The following CSMD1 variants were observed in gnomAD, a reference collection of about 807,000 sequenced individuals.
CSMD1 encodes the protein CUB and sushi domain-containing protein 1.
In CSMD1, 213 loss-of-function variants were observed where a neutral mutation model predicts 417.5. The observed-to-expected ratio is 0.51, with a 90% CI of 0.46 to 0.57. CSMD1 has a LOEUF of 0.57. Among genes scored for constraint, CSMD1 ranks in the 20% least tolerant of loss-of-function variants. The pLI is 0.00. For missense variants in CSMD1, 6,923 were observed against 4,529.7 expected, an observed-to-expected ratio of 1.53 and a Z score of -15.17; for synonymous variants, 2,862 against 1,736.8, an observed-to-expected ratio of 1.65 and a Z score of -16.11.
chr8:4,304,106 T>C (rs1189404849), intron 3 of CSMD1, among the ~76,000 whole-genome samples: 4 of 152,150 alleles, frequency 2.6e-5, no homozygotes, highest in African/African-American at 9.7e-5. Context: ...TCTTATAAAA[T>C]TAACCACTGT....
At chr8:3,820,588 T>A (rs933367910) in intron 5 of CSMD1, among the ~76,000 whole-genome samples, 4 of 152,194 alleles carry the variant, frequency 2.6e-5, no homozygotes, top group Non-Finnish European at 4.4e-5. Flanking sequence ...GTTGTTTGTT[T>A]GTTTTGAGAT....
intron 1 of CSMD1, among the ~76,000 whole-genome samples, chr8:4,801,736 G>C (rs1467631289): frequency 1.3e-5 from 2 of 151,304 alleles, no homozygotes; most frequent in African/African-American, 4.9e-5. Context: ...ATTAATAATA[G>C]GAAAAACACA....
intron 49 of CSMD1, among the ~76,000 whole-genome samples, chr8:3,070,188 A>G (rs1284531755): frequency 6.6e-6 from 1 of 152,226 alleles, no homozygotes; most frequent in Non-Finnish European, 1.5e-5. Flanking sequence ...GGTCTCTGAA[A>G]TACCTTCAAG....
intron 49 of CSMD1, among the ~76,000 whole-genome samples, chr8:3,053,042 A>T (rs573693066): frequency 6.6e-6 from 1 of 152,284 alleles, no homozygotes; most frequent in South Asian, 2.1e-4. Flanking sequence ...TTAGCCTCCC[A>T]AAGTGCTGGG....
chr8:3,375,391 C>A (rs1810240981), intron 18 of CSMD1, among the ~76,000 whole-genome samples: 1 of 152,082 alleles, frequency 6.6e-6, no homozygotes, highest in Admixed American at 6.6e-5. Context: ...CTGTTTCCAT[C>A]TTTTCTCTTT....
intron 3 of CSMD1, among the ~76,000 whole-genome samples, chr8:4,205,527 T>A (rs796581718): frequency 6.6e-6 from 1 of 152,204 alleles, no homozygotes; most frequent in South Asian, 2.1e-4. Context: ...ATTTTATGGA[T>A]GATGAAACTG....
At chr8:2,967,559 C>T (rs573752347) in intron 57 of CSMD1, among the ~76,000 whole-genome samples, 1 of 151,952 alleles carries the variant, frequency 6.6e-6, no homozygotes, top group Non-Finnish European at 1.5e-5. Context: ...TTAGTCGAGC[C>T]TATTTACCAG....
intron 1 of CSMD1, among the ~76,000 whole-genome samples, chr8:4,917,445 T>G (rs1255603406): frequency 6.6e-6 from 1 of 152,000 alleles, no homozygotes; most frequent in African/African-American, 2.4e-5. Flanking sequence ...CCACCCTGGC[T>G]AACACGGTGA....
intron 3 of CSMD1, among the ~76,000 whole-genome samples, chr8:4,369,975 T>C (rs1364139250): frequency 1.3e-5 from 2 of 152,168 alleles, no homozygotes; most frequent in Admixed American, 6.5e-5. Flanking sequence ...CACGTGAGAA[T>C]TGTATCTATC....
chr8:3,950,424 G>T (rs555079993), intron 5 of CSMD1, among the ~76,000 whole-genome samples: 1 of 152,200 alleles, frequency 6.6e-6, no homozygotes, highest in Non-Finnish European at 1.5e-5. Context: ...AGTAGCAGAA[G>T]AGAGGTTCTT....
chr8:3,980,307 C>T (rs1813752132), intron 5 of CSMD1, among the ~76,000 whole-genome samples: 1 of 152,184 alleles, frequency 6.6e-6, no homozygotes, highest in African/African-American at 2.4e-5. Flanking sequence ...CTATTCTTGT[C>T]ACACTGTAAT....
intron 3 of CSMD1, among the ~76,000 whole-genome samples, chr8:4,365,961 C>G (rs147284791): frequency 5.3e-5 from 8 of 152,012 alleles, no homozygotes; most frequent in Admixed American, 4.6e-4. Context: ...AGGGTATCCA[C>G]GTACAGGTTT....
Position 2,947,583 on chromosome 8 carries a change from G to A in CSMD1, c.10402+1716C>T, listed in dbSNP as rs75771479. Among the ~76,000 whole-genome samples the A allele has an allele frequency of 3.4e-3, 520 of 152,260 alleles. 6 individuals are homozygous for A. The highest frequency in any genetic ancestry group is 9.5e-3 in the East Asian group (49 of 5,178). ...AGAAAAGGGGTAATGCAAAGAAAACGTGTAATAGCAAACTGATAGTTCAGG... is the reference window on the plus strand; with the variant it reads ...AGAAAAGGGGTAATGCAAAGAAAACATGTAATAGCAAACTGATAGTTCAGG... On this transcript the variant is annotated intron_variant, in intron 68 of 69. Coordinates refer to ENST00000635120, the MANE Select transcript of CSMD1 (RefSeq NM_033225.6).
At chr8:4,204,929 G>C (rs927692448) in intron 3 of CSMD1, among the ~76,000 whole-genome samples, 3 of 151,870 alleles carry the variant, frequency 2.0e-5, no homozygotes, top group Non-Finnish European at 4.4e-5. Flanking sequence ...CAAAGTGCTG[G>C]GATTACAAAT....
intron 3 of CSMD1, among the ~76,000 whole-genome samples, chr8:4,136,675 G>C (rs1372835916): frequency 2.6e-5 from 4 of 152,236 alleles, no homozygotes; most frequent in East Asian, 3.9e-4. Flanking sequence ...TGTCTCACAA[G>C]TGTGCTGTGA....
chr8:4,599,134 T>C (rs900188910), intron 2 of CSMD1, among the ~76,000 whole-genome samples: 1 of 152,138 alleles, frequency 6.6e-6, no homozygotes, highest in African/African-American at 2.4e-5. Context: ...CAGACTAAGG[T>C]ATTAAAAAAT....
chr8:3,109,113 A>C (rs1488212586), intron 43 of CSMD1, among the ~76,000 whole-genome samples: 2 of 152,072 alleles, frequency 1.3e-5, no homozygotes, highest in Non-Finnish European at 2.9e-5. Context: ...AAAATTACAA[A>C]AATTAGCTGG....
chr8:4,426,623 T>TATA (rs1554472573), intron 2 of CSMD1, among the ~76,000 whole-genome samples: 94 of 145,200 alleles, frequency 6.5e-4, no homozygotes, highest in African/African-American at 2.2e-3. Flanking sequence ...TATTGTTTAC[T>TATA]ATATAATATA....
At chr8:4,509,873 G>A (rs1336177308) in intron 2 of CSMD1, among the ~76,000 whole-genome samples, 1 of 152,140 alleles carries the variant, frequency 6.6e-6, no homozygotes, top group Non-Finnish European at 1.5e-5. Flanking sequence ...AGGACAAGAA[G>A]CCAGCTCCTG....
Sources: gnomAD v4.1 joint callset for allele counts (sites outside exome capture counted in the v4.1 genomes callset) on GRCh38, gnomAD v4.1.1 for gene constraint, MANE v1.5 for transcripts, NCBI Gene and HGNC (gene_info 2026-07-23, HGNC 2026-07-21) for gene names.